Variants in TMTC2 observed in about 807,000 individuals in gnomAD.
TMTC2 encodes the protein protein O-mannosyl-transferase TMTC2.
A neutral mutation model predicts 82.4 loss-of-function variants in TMTC2; 43 were observed. The observed-to-expected ratio is 0.52, with a 90% confidence interval of 0.41 to 0.67. The LOEUF (loss-of-function observed/expected upper bound fraction) is 0.67, where lower values mean the gene tolerates loss of function less well. Among genes scored for constraint, TMTC2 ranks in the 30% least tolerant of loss-of-function variants. TMTC2 has a pLI of 0.00. For synonymous variants in TMTC2, 408 were observed against 381.9 expected (o/e 1.07, Z -0.80); for missense variants, 919 against 1,012.4 (o/e 0.91, Z 1.25).
intron 11 of TMTC2, among the ~76,000 whole-genome samples, chr12:83,089,524 C>A (rs1883770728): frequency 6.6e-6 from 1 of 152,124 alleles, no homozygotes; most frequent in Non-Finnish European, 1.5e-5. Flanking sequence ...CACCTTTACA[C>A]AAACTAAGTA....
chr12:82,736,810 T>C (rs1875149255), intron 1 of TMTC2, among the ~76,000 whole-genome samples: 1 of 152,122 alleles, frequency 6.6e-6, no homozygotes, highest in African/African-American at 2.4e-5. Flanking sequence ...AAAAGGAAAA[T>C]ATTGGAAGCT....
intron 7 of TMTC2, among the ~76,000 whole-genome samples, chr12:82,975,576 A>G (rs1335506213): frequency 1.3e-5 from 2 of 152,200 alleles, no homozygotes; most frequent in African/African-American, 4.8e-5. Flanking sequence ...TAAAAGTTGG[A>G]TGAATTTTTC....
Position 82,965,600 on chromosome 12 carries a change from A to T in TMTC2, c.1725A>T (p.Gly575=), listed in dbSNP as rs866674281. The part of the protein sequence containing the change: ...LNTGIILMNQ[G]RTEEARRTFL... The stretch of plus-strand genomic sequence containing the variant: ...CCGGTATTATTCTAATGAACCAAGG[A>T]AGGACGGAAGAAGCCCGACGGACAT... The change falls in exon 6 of 12, where the codon GGA becomes GGT. Residue 575 remains glycine (G), a synonymous_variant. Transcript: ENST00000321196. The T allele has an allele frequency of 3.1e-6, 5 of 1,613,618 alleles. No homozygotes were observed. Among genetic ancestry groups the T allele is most frequent in the Middle Eastern group, 1.6e-4 (1 of 6,084 alleles).
chr12:82,955,115 G>T (rs879604476), intron 4 of TMTC2, among the ~76,000 whole-genome samples: 4 of 152,238 alleles, frequency 2.6e-5, no homozygotes, highest in Admixed American at 6.5e-5. Flanking sequence ...TTGACATTTT[G>T]GGCTAGGTTA....
intron 9 of TMTC2, among the ~76,000 whole-genome samples, chr12:83,041,814 TAAC>T (rs1013152524): frequency 5.9e-5 from 9 of 152,196 alleles, no homozygotes; most frequent in African/African-American, 2.2e-4. Flanking sequence ...CACGCTCACT[TAAC>T]TGGGTAAATC....
At chr12:83,131,310 A>C (rs1207662615) in intron 11 of TMTC2, among the ~76,000 whole-genome samples, 2 of 152,144 alleles carry the variant, frequency 1.3e-5, no homozygotes, top group Admixed American at 1.3e-4. Flanking sequence ...TTCCTTTGGG[A>C]GGGACTTTTG....
At chr12:83,067,982 A>G (rs1198310790) in intron 11 of TMTC2, among the ~76,000 whole-genome samples, 2 of 152,094 alleles carry the variant, frequency 1.3e-5, no homozygotes, top group African/African-American at 2.4e-5. Flanking sequence ...AACATAAATT[A>G]TTTCAGAACA....
intron 2 of TMTC2, among the ~76,000 whole-genome samples, chr12:82,877,855 C>T (rs879830714): frequency 6.6e-6 from 1 of 152,070 alleles, no homozygotes; most frequent in African/African-American, 2.4e-5. Context: ...CAAAATCAAA[C>T]TGTTAAAGAA....
At chr12:82,940,438 A>T (rs972427197) in intron 4 of TMTC2, among the ~76,000 whole-genome samples, 1 of 152,072 alleles carries the variant, frequency 6.6e-6, no homozygotes, top group Non-Finnish European at 1.5e-5. Flanking sequence ...ATTATTTTTA[A>T]TAATGAGAAT....
chr12:82,854,467 T>G (rs968971948), intron 1 of TMTC2, among the ~76,000 whole-genome samples: 4 of 151,562 alleles, frequency 2.6e-5, no homozygotes, highest in Non-Finnish European at 4.4e-5. Context: ...AGGAGGAGGG[T>G]AGGGGTGGAG....
chr12:82,842,124 C>T (rs565319318), intron 1 of TMTC2, among the ~76,000 whole-genome samples: 15 of 152,256 alleles, frequency 9.9e-5, no homozygotes, highest in East Asian at 9.6e-4. Context: ...GTTTGGAGAA[C>T]GGTGTTCAAG....
chr12:82,732,802 T>A (rs1874897405), intron 1 of TMTC2, among the ~76,000 whole-genome samples: 1 of 152,218 alleles, frequency 6.6e-6, no homozygotes, highest in Admixed American at 6.5e-5. Flanking sequence ...ATTTGAAACA[T>A]CCTGGCACCT....
At chr12:83,029,738 TCC>T (rs1881347110) in intron 8 of TMTC2, among the ~76,000 whole-genome samples, 1 of 152,042 alleles carries the variant, frequency 6.6e-6, no homozygotes, top group Admixed American at 6.6e-5. Flanking sequence ...TCTTGTGCCA[TCC>T]TTCTGTGTTA....
At chr12:82,930,221 GA>G (rs548311216) in intron 3 of TMTC2, among the ~76,000 whole-genome samples, 131 of 152,184 alleles carry the variant, frequency 8.6e-4, no homozygotes, top group African/African-American at 3.0e-3. Context: ...TCTGCTTTGA[GA>G]CATAATAATT....
chr12:82,881,053 TG>T (rs1481010590), intron 2 of TMTC2, among the ~76,000 whole-genome samples: 2 of 152,064 alleles, frequency 1.3e-5, no homozygotes, highest in African/African-American at 4.8e-5. Flanking sequence ...CACATCTTAA[TG>T]AAAAAAATAC....
At chr12:82,832,704 G>A (rs1869820706) in intron 1 of TMTC2, among the ~76,000 whole-genome samples, 1 of 152,148 alleles carries the variant, frequency 6.6e-6, no homozygotes, top group African/African-American at 2.4e-5. Context: ...TGCCAGTGGC[G>A]ACTACTAATT....
intron 11 of TMTC2, among the ~76,000 whole-genome samples, chr12:83,103,583 C>T (rs532304229): frequency 6.6e-6 from 1 of 152,234 alleles, no homozygotes; most frequent in Admixed American, 6.5e-5. Flanking sequence ...ATGAGGGATC[C>T]ACCCCCATTT....
intron 1 of TMTC2, among the ~76,000 whole-genome samples, chr12:82,765,429 C>CT (rs1415123413): frequency 1.3e-5 from 2 of 152,154 alleles, no homozygotes; most frequent in African/African-American, 4.8e-5. Flanking sequence ...AATCCCAGTA[C>CT]TTTGGGAGTC....
At chr12:83,000,423 C>G (rs189666305) in intron 8 of TMTC2, among the ~76,000 whole-genome samples, 11 of 152,164 alleles carry the variant, frequency 7.2e-5, no homozygotes, top group Admixed American at 7.2e-4. Flanking sequence ...CATGAGCCAC[C>G]GCACCTTGCC....
Sources: allele counts gnomAD v4.1 joint callset (sites outside exome capture counted in the v4.1 genomes callset), GRCh38; gene constraint gnomAD v4.1.1; transcripts MANE v1.5; gene names NCBI Gene and HGNC (gene_info 2026-07-23, HGNC 2026-07-21).